Variants in KIF21A observed in about 807,000 individuals in gnomAD.
The protein encoded by KIF21A is kinesin-like protein KIF21A.
A neutral mutation model predicts 202.9 loss-of-function variants in KIF21A; 114 were observed. The ratio of observed to expected loss-of-function variants is 0.56; its 90% confidence interval spans 0.48 to 0.66. The LOEUF is 0.66. Among genes scored for constraint, KIF21A ranks in the 30% least tolerant of loss-of-function variants. KIF21A has a pLI of 0.00. For missense variants in KIF21A, 1,677 were observed against 1,994.9 expected (o/e 0.84, Z 3.04); for synonymous variants, 667 against 670.8 (o/e 0.99, Z 0.09).
chr12:39,409,707 C>G (rs1474859918), intron 1 of KIF21A, among the ~76,000 whole-genome samples: 1 of 152,014 alleles, frequency 6.6e-6, no homozygotes, highest in Non-Finnish European at 1.5e-5. Context: ...GCAGATATGA[C>G]TACATTAGGG....
rs574953212 is a variant in KIF21A, at chr12:39,331,940, C to T, written c.3052-149G>A. On this transcript the variant is annotated intron_variant, in intron 21 of 37. Coordinates refer to ENST00000361418, the MANE Select transcript of KIF21A (RefSeq NM_001173464.2). ...AATATATGATCATTACCCCAAGAAA[C>T]ATAGGGTTTAGTTGAAAAGACACAT... 2.2e-4 allele frequency: 162 copies of T among 731,076 alleles called. 2 individuals carry two copies. The highest frequency in any genetic ancestry group is 1.3e-3 in the South Asian group (84 of 64,934). The allele number at this position is 731,076 out of a possible 1,614,324, so 45.3% of individuals were successfully genotyped here.
intron 11 of KIF21A, among the ~76,000 whole-genome samples, chr12:39,350,965 C>T (rs145755117): frequency 1.6e-4 from 25 of 152,126 alleles, no homozygotes; most frequent in African/African-American, 5.8e-4. Context: ...GATGATTTTG[C>T]TTCCTTTTGA....
chr12:39,366,219 A>T, intron 6 of KIF21A, 131 bp downstream of exon 6: 2 of 770,742 alleles, frequency 2.6e-6, no homozygotes, highest in Non-Finnish European at 4.3e-6. Context: ...TGCATTACTA[A>T]TAACTGTTCT....
In KIF21A at chr12:39,346,484, C is replaced by T. The variant is rs1161243532; in HGVS notation, c.1694G>A (p.Ser565Asn). 8 of 1,478,758 alleles carry T rather than the reference C, an allele frequency of 5.4e-6. No individual in the cohort carries two copies. Among genetic ancestry groups the T allele is most frequent in the Non-Finnish European group, 7.2e-6 (8 of 1,117,862 alleles). 91.6% of individuals were successfully genotyped at this position (1,478,758 alleles called of 1,614,324 possible). ...TTCCAACCTTCTTTCTTCTCGATTG[C>T]TTTCCTCAAGTTTCTGTAGCCTTCA... ...KKKRLQKLEE[S>N]NREERSVAGK... The change falls in exon 12 of 38, where the codon AGC becomes AAC. Residue 565 changes from serine (S) to asparagine (N), a missense_variant. Physicochemically the swap from Ser to Asn is conservative, Grantham distance 46. This residue lies in a region of KIF21A where 966 missense variants were observed against 1,180.9 expected (regional missense o/e 0.82). Transcript: ENST00000361418.
In KIF21A at chr12:39,302,907, C is replaced by T. The variant is rs925177572; in HGVS notation, c.4731+58G>A. 6.4e-6 allele frequency: 9 copies of T among 1,400,246 alleles called. No individual in the cohort carries two copies. In the African/African-American group the frequency reaches 9.9e-5, roughly 15 times the overall value. The allele number at this position is 1,400,246 out of a possible 1,614,324, so 86.7% of individuals were successfully genotyped here. ...CATAGAAGCTCTTCAAGTTCTTCTA[C>T]AGGCTACAGGATTGTGTTGAAATGC... On this transcript the variant is annotated intron_variant, in intron 36 of 37. Coordinates refer to ENST00000361418, the MANE Select transcript of KIF21A (RefSeq NM_001173464.2).
At chr12:39,428,952 G>C (rs972833678) in intron 1 of KIF21A, among the ~76,000 whole-genome samples, 1 of 141,228 alleles carries the variant, frequency 7.1e-6, no homozygotes, top group Non-Finnish European at 1.5e-5. Context: ...GAGAGACTCC[G>C]TCTCAAAAAA....
At chr12:39,307,905 A>G (rs1943634857) in intron 33 of KIF21A, among the ~76,000 whole-genome samples, 176 bp from the exon 34 acceptor site, 1 of 152,168 alleles carries the variant, frequency 6.6e-6, no homozygotes, top group South Asian at 2.1e-4. Context: ...ATAAATAATT[A>G]TTTGGTAAGT....
chr12:39,354,249 T>C (rs1362132146), intron 10 of KIF21A, among the ~76,000 whole-genome samples: 1 of 152,160 alleles, frequency 6.6e-6, no homozygotes, highest in Non-Finnish European at 1.5e-5. Flanking sequence ...CAGTACTATA[T>C]GAAGCCATGC....
intron 1 of KIF21A, among the ~76,000 whole-genome samples, chr12:39,395,420 T>C (rs906695629): frequency 2.7e-5 from 4 of 145,742 alleles, no homozygotes; most frequent in Admixed American, 1.4e-4. Flanking sequence ...CCAATCCTCA[T>C]CTCCTAAGGT....
intron 17 of KIF21A, among the ~76,000 whole-genome samples, chr12:39,335,171 G>C (rs747996015): frequency 6.6e-6 from 1 of 152,066 alleles, no homozygotes; most frequent in Non-Finnish European, 1.5e-5. Flanking sequence ...ACACCTTTGG[G>C]AGGCCGAGGC....
At chr12:39,331,886 G>T (rs1946539386) in intron 21 of KIF21A, 95 bp from the exon 22 acceptor site, 1 of 944,614 alleles carries the variant, frequency 1.1e-6, no homozygotes, top group Non-Finnish European at 1.7e-6. Flanking sequence ...CTAGTATTGG[G>T]TTAGCTAATG....
At chr12:39,381,878 T>G (rs1950639454) in intron 1 of KIF21A, among the ~76,000 whole-genome samples, 1 of 152,108 alleles carries the variant, frequency 6.6e-6, no homozygotes, top group Admixed American at 6.6e-5. Flanking sequence ...TTAAAGAAGG[T>G]GAAGCATGAG....
intron 7 of KIF21A, among the ~76,000 whole-genome samples, chr12:39,359,630 G>A (rs543263386): frequency 3.9e-5 from 6 of 152,264 alleles, no homozygotes; most frequent in East Asian, 3.9e-4. Context: ...TTCAGTAAGC[G>A]TGAGGATTAT....
chr12:39,423,224 T>C (rs1289806489), intron 1 of KIF21A, among the ~76,000 whole-genome samples: 1 of 152,214 alleles, frequency 6.6e-6, no homozygotes, highest in Non-Finnish European at 1.5e-5. Context: ...AGTAAGGCTA[T>C]TTTTTCTTCT....
Position 39,327,604 on chromosome 12 carries a change from C to G in KIF21A, c.3341-1280G>C, listed in dbSNP as rs557406685. On this transcript the variant is annotated intron_variant, in intron 24 of 37. Transcript: ENST00000361418. Reference sequence around the variant, plus strand: ...AATGTTAAACATCATGCAAGTGCTTCGTAAAAAGCTCTTAACTCCTGCTTA... The same window carrying G: ...AATGTTAAACATCATGCAAGTGCTTGGTAAAAAGCTCTTAACTCCTGCTTA... 6.6e-5 allele frequency among the ~76,000 whole-genome samples: 10 copies of G among 152,292 alleles called. No individual in the cohort carries two copies. The South Asian group carries it at 2.1e-3, about 32-fold the overall frequency.
At chr12:39,436,260 G>C (rs1938667404) in intron 1 of KIF21A, among the ~76,000 whole-genome samples, 1 of 151,474 alleles carries the variant, frequency 6.6e-6, no homozygotes, top group Non-Finnish European at 1.5e-5. Context: ...TAATCAAGAA[G>C]ACTTGAGCTA....
At chr12:39,421,721 A>ATT (rs201300931) in intron 1 of KIF21A, among the ~76,000 whole-genome samples, 13,783 of 124,174 alleles carry the variant, frequency 0.11, 668 homozygotes, top group East Asian at 0.19. Context: ...AATATATATA[A>ATT]TTTATATATA....
intron 16 of KIF21A, among the ~76,000 whole-genome samples, chr12:39,337,871 T>TA (rs1490100896): frequency 1.3e-5 from 2 of 152,186 alleles, no homozygotes; most frequent in Admixed American, 6.5e-5. Flanking sequence ...AGTGCTGGTA[T>TA]AAACAACCCT....
chr12:39,341,427 A>G (rs1947432846), intron 14 of KIF21A, 78 bp downstream of exon 14: 2 of 1,371,884 alleles, frequency 1.5e-6, no homozygotes, highest in Non-Finnish European at 2.1e-6. Flanking sequence ...TATGAAATAG[A>G]GAATGTTAAG....
Sources: allele counts gnomAD v4.1 joint callset (sites outside exome capture counted in the v4.1 genomes callset), GRCh38; gene constraint gnomAD v4.1.1; regional missense constraint gnomAD v4.1.1; transcripts MANE v1.5; gene names NCBI Gene and HGNC (gene_info 2026-07-23, HGNC 2026-07-21).